Variants in SWT1 observed in about 807,000 individuals in gnomAD.
SWT1 encodes transcriptional protein SWT1.
SWT1 carries 33 observed loss-of-function variants against 107.3 expected under a neutral mutation model. The observed-to-expected ratio is 0.31, with a 90% CI of 0.23 to 0.41. The LOEUF (loss-of-function observed/expected upper bound fraction) is 0.41. SWT1 is among the 10% of genes least tolerant of loss of function. The pLI, the probability that SWT1 is intolerant of heterozygous loss-of-function variation, is 1.00. For synonymous variants in SWT1, 345 were observed against 348.3 expected (o/e 0.99, Z 0.11); for missense variants, 898 against 1,028.9 (o/e 0.87, Z 1.74).
intron 16 of SWT1, among the ~76,000 whole-genome samples, chr1:185,269,677 G>A (rs1025208857): frequency 6.6e-6 from 1 of 152,160 alleles, no homozygotes; most frequent in East Asian, 1.9e-4. Flanking sequence ...GTAATTAAAA[G>A]CCATTAGGAA....
chr1:185,182,124 A>G, intron 7 of SWT1, 67 bp downstream of exon 7: 1 of 1,465,916 alleles, frequency 6.8e-7, no homozygotes, highest in Non-Finnish European at 9.2e-7. Flanking sequence ...CCAATATTCA[A>G]TTTTTATAAT....
intron 16 of SWT1, among the ~76,000 whole-genome samples, chr1:185,258,190 C>T (rs1662758338): frequency 6.6e-6 from 1 of 152,012 alleles, no homozygotes; most frequent in South Asian, 2.1e-4. Flanking sequence ...TAAATGTGTA[C>T]TTGATTTATA....
intron 9 of SWT1, among the ~76,000 whole-genome samples, chr1:185,186,593 C>T (rs934528071): frequency 5.9e-5 from 9 of 151,548 alleles, no homozygotes; most frequent in South Asian, 4.2e-4. Context: ...TGACATATAA[C>T]GTTAAATAAA....
At chr1:185,239,754 A>G (rs911587384) in intron 16 of SWT1, among the ~76,000 whole-genome samples, 2 of 152,020 alleles carry the variant, frequency 1.3e-5, no homozygotes, top group Non-Finnish European at 2.9e-5. Context: ...TTTGGTCAGT[A>G]CTACATAGTC....
chr1:185,214,552 A>G lies in SWT1; in HGVS notation c.2018A>G (p.Asp673Gly). The G allele has an allele frequency of 6.2e-7, 1 of 1,611,410 alleles. No homozygotes were observed. ...ACAACAGTCAAATTCTTGCTTCAGG[A>G]TTCTAGAAGTTTGTTACATGCTTTC... ...DFTTVKFLLQDSRSLLHAFST... is the reference protein window; with the variant it reads ...DFTTVKFLLQGSRSLLHAFST... The change falls in exon 14 of 19, where the codon GAT becomes GGT. Residue 673 changes from aspartate (D) to glycine (G), a missense_variant. Transcript: ENST00000367500.
Position 185,181,976 on chromosome 1 carries a change from C to T in SWT1, c.1057C>T (p.Arg353Cys), listed in dbSNP as rs781405989. 50 of 1,613,644 alleles carry T rather than the reference C, an allele frequency of 3.1e-5. No homozygotes were observed. The highest frequency in any genetic ancestry group is 5.3e-5 in the African/African-American group (4 of 74,882). Reference protein sequence around the residue: ...MQIVEELHAARVGKSVDLPGE... With the variant: ...MQIVEELHAACVGKSVDLPGE... ...GATAGTAGAAGAGCTTCATGCTGCA[C>T]GTGTGGGAAAAAGTGTGGATTTACC... Residue 353 changes from arginine (R) to cysteine (C), a missense_variant, in exon 7 of 19, where the codon CGT becomes TGT. By Grantham distance (180) the Arg-to-Cys change is radical. Transcript: ENST00000367500.
intron 18 of SWT1, among the ~76,000 whole-genome samples, chr1:185,283,652 T>A (rs1373681283): frequency 2.6e-5 from 4 of 152,138 alleles, no homozygotes; most frequent in South Asian, 2.1e-4. Context: ...AACCAAACTG[T>A]TTTTCTTGCT....
intron 2 of SWT1, 152 bp from the exon 3 acceptor site, chr1:185,166,420 A>G (rs1181317194): frequency 1.9e-6 from 1 of 526,992 alleles, no homozygotes; most frequent in African/African-American, 2.0e-5. Context: ...CCTTCCTTTT[A>G]CCAAAGTTTG....
At chr1:185,162,358 C>A (rs888784390) in intron 2 of SWT1, among the ~76,000 whole-genome samples, 2 of 152,196 alleles carry the variant, frequency 1.3e-5, no homozygotes, top group Non-Finnish European at 2.9e-5. Flanking sequence ...TACACCTTCT[C>A]CTCGAAACAC....
chr1:185,281,559 TG>T, intron 18 of SWT1: 1 of 240,372 alleles, frequency 4.2e-6, no homozygotes, highest in Non-Finnish European at 8.4e-6. Context: ...GTCTTCAACC[TG>T]CTGCCAGATG....
At chr1:185,170,201 A>G (rs1056833476) in intron 4 of SWT1, among the ~76,000 whole-genome samples, 1 of 152,200 alleles carries the variant, frequency 6.6e-6, no homozygotes, top group African/African-American at 2.4e-5. Context: ...GCTCTTTTAA[A>G]AACCTGAATT....
intron 14 of SWT1, among the ~76,000 whole-genome samples, chr1:185,219,951 C>T (rs1181726782): frequency 2.6e-5 from 4 of 151,780 alleles, no homozygotes; most frequent in African/African-American, 9.7e-5. Context: ...ACCAACCAGC[C>T]TGGGCAACAT....
At chr1:185,206,788 T>C (rs368201277) in intron 13 of SWT1, 25 bp downstream of exon 13, 41 of 1,544,524 alleles carry the variant, frequency 2.7e-5, no homozygotes, top group Non-Finnish European at 3.2e-5. Context: ...TTTTTCTCTT[T>C]AGCAGTGTTG....
At chr1:185,256,092 A>G (rs1183658815) in intron 16 of SWT1, among the ~76,000 whole-genome samples, 2 of 150,326 alleles carry the variant, frequency 1.3e-5, no homozygotes, top group Admixed American at 1.3e-4. Flanking sequence ...TTTCTTTAAG[A>G]ATGTTGAATA....
intron 16 of SWT1, among the ~76,000 whole-genome samples, chr1:185,249,029 T>G (rs1397118045): frequency 1.3e-5 from 2 of 152,174 alleles, no homozygotes; most frequent in Non-Finnish European, 2.9e-5. Flanking sequence ...TCTTGGAAAT[T>G]CTCACTTGAG....
chr1:185,210,890 A>G (rs1057095606), intron 13 of SWT1, among the ~76,000 whole-genome samples: 1 of 152,290 alleles, frequency 6.6e-6, no homozygotes, highest in East Asian at 1.9e-4. Context: ...AAGCATTCCA[A>G]TAAACCAAGA....
At chr1:185,158,750 T>C (rs1557999322) in intron 1 of SWT1, among the ~76,000 whole-genome samples, 1 of 152,340 alleles carries the variant, frequency 6.6e-6, no homozygotes, top group Admixed American at 6.5e-5. Context: ...AATAATGTTA[T>C]TCATCTATTG....
At chr1:185,238,367 GTTACTATTGTGC>G (rs1261625526) in intron 16 of SWT1, among the ~76,000 whole-genome samples, 2 of 152,094 alleles carry the variant, frequency 1.3e-5, no homozygotes, top group African/African-American at 4.8e-5. Context: ...ATTTCATGGG[GTTACTATTGTGC>G]TTTGAGAGCA....
chr1:185,259,277 G>A (rs189599155), intron 16 of SWT1, among the ~76,000 whole-genome samples: 2 of 152,172 alleles, frequency 1.3e-5, no homozygotes, highest in African/African-American at 4.8e-5. Context: ...TTAATGGAAA[G>A]AACTATTTTG....
Sources: allele counts gnomAD v4.1 joint callset (sites outside exome capture counted in the v4.1 genomes callset), GRCh38; gene constraint gnomAD v4.1.1; transcripts MANE v1.5; gene names NCBI Gene and HGNC (gene_info 2026-07-23, HGNC 2026-07-21).